Variants in SRD5A2 observed in about 807,000 individuals in gnomAD.
The protein encoded by SRD5A2 is 3-oxo-5-alpha-steroid 4-dehydrogenase 2.
A neutral mutation model predicts 27.4 loss-of-function variants in SRD5A2; 30 were observed. The observed-to-expected ratio is 1.10, with a 90% CI of 0.82 to 1.49. The LOEUF (loss-of-function observed/expected upper bound fraction) is 1.49, where lower values mean the gene tolerates loss of function less well. Among genes scored for constraint, SRD5A2 ranks in the 40% most tolerant of loss-of-function variants. The pLI is 0.00. For missense variants in SRD5A2, 348 were observed against 323.4 expected, an observed-to-expected ratio of 1.08 and a Z score of -0.58; for synonymous variants, 141 against 133.6, an observed-to-expected ratio of 1.06 and a Z score of -0.38.
rs121434246 is a variant in SRD5A2, at chr2:31,533,704, C to T, written c.344G>A (p.Gly115Asp). The change falls in exon 2 of 5, where the codon GGC becomes GAC. Residue 115 changes from glycine to aspartate, a missense_variant. By Grantham distance (94) the Gly-to-Asp change is moderately conservative. Transcript: ENST00000622030. The part of the protein sequence containing the change: ...RPYPAILILR[G>D]TAFCTGNGVL... ...TCCATTTCCAGTGCAGAAGGCAGTGCCTCTGAGAATGAGTATAGCTGGATA... is the reference window on the plus strand; with the variant it reads ...TCCATTTCCAGTGCAGAAGGCAGTGTCTCTGAGAATGAGTATAGCTGGATA... 1.1e-5 allele frequency: 17 copies of T among 1,593,536 alleles called. No homozygotes were observed. In the Admixed American group the frequency reaches 1.4e-4, roughly 13 times the overall value.
At chr2:31,537,404 T>G (rs975831087) in intron 1 of SRD5A2, among the ~76,000 whole-genome samples, 4 of 152,092 alleles carry the variant, frequency 2.6e-5, no homozygotes, top group African/African-American at 9.7e-5. Context: ...AAACAAATCT[T>G]GGTGGGGCCA....
Position 31,567,456 on chromosome 2 carries a change from G to GTGTGTATATA in SRD5A2, c.281+13163_281+13164insTATATACACA, listed in dbSNP as rs143408801. Among the ~76,000 whole-genome samples the GTGTGTATATA allele has an allele frequency of 6.1e-3, 861 of 140,272 alleles. 1 individual carries two copies. Among genetic ancestry groups the GTGTGTATATA allele is most frequent in the African/African-American group, 0.011 (422 of 37,428 alleles). 92.0% of individuals were successfully genotyped at this position (140,272 alleles called of 152,430 possible). A position where few individuals can be genotyped will look rare whatever the true frequency, so the allele number is the denominator to read the frequency against. ...TTGGTGTGTGTGTGTGTGTGTGTGT[G>GTGTGTATATA]TATATATATATATATATCTACCAGT... is the stretch of plus-strand genomic sequence containing the variant. On this transcript the variant is annotated intron_variant, in intron 1 of 4. Coordinates refer to ENST00000622030, the MANE Select transcript of SRD5A2 (RefSeq NM_000348.4).
At chr2:31,588,774 T>C in the SRD5A2 span, among the ~76,000 whole-genome samples, 1 of 152,200 alleles carries the variant, frequency 6.6e-6, no homozygotes, top group Admixed American at 6.5e-5. Context: ...CTGCAGTGTG[T>C]ACACTATTCT....
At chr2:31,596,466 A>T in the SRD5A2 span, among the ~76,000 whole-genome samples, 5 of 152,004 alleles carry the variant, frequency 3.3e-5, no homozygotes, top group African/African-American at 1.2e-4. Flanking sequence ...CTTCTATTTA[A>T]CATAGTACTG....
chr2:31,526,347 A>G lies in SRD5A2; in HGVS notation c.699-85T>C, dbSNP rs1349505503. The G allele has an allele frequency of 9.2e-6, 8 of 867,816 alleles. No individual in the cohort carries two copies. The Admixed American group carries it at 1.6e-4, about 17-fold the overall frequency. 53.8% of individuals were successfully genotyped at this position (867,816 alleles called of 1,614,324 possible). A position where few individuals can be genotyped will look rare whatever the true frequency, so the allele number is the denominator to read the frequency against. On this transcript the variant is annotated intron_variant, in intron 4 of 4. Transcript: ENST00000622030. ...TTGCTCTTACCAAATCTTTGTTACA[A>G]GTCAACCTACAGTTATTTTGGGCCT...
At chr2:31,589,468 C>A in the SRD5A2 span, among the ~76,000 whole-genome samples, 1 of 152,236 alleles carries the variant, frequency 6.6e-6, no homozygotes, top group Non-Finnish European at 1.5e-5. Context: ...CCCGGATGCC[C>A]CCAGGAACTC....
chr2:31,535,023 AT>A (rs397775368), intron 1 of SRD5A2, among the ~76,000 whole-genome samples: 2,258 of 143,146 alleles, frequency 0.016, 16 homozygotes, highest in South Asian at 0.027. Context: ...GTGTGAGTCA[AT>A]TTTTTTTTTT....
the SRD5A2 span, among the ~76,000 whole-genome samples, chr2:31,627,345 T>G: frequency 3.9e-5 from 6 of 151,984 alleles, no homozygotes; most frequent in Non-Finnish European, 7.4e-5. Context: ...TTTAATTGCA[T>G]CTTCTTTTCT....
chr2:31,625,346 C>T, the SRD5A2 span, among the ~76,000 whole-genome samples: 1 of 152,144 alleles, frequency 6.6e-6, no homozygotes, highest in African/African-American at 2.4e-5. Context: ...TTTTGCTGTG[C>T]AGAAGTTCTT....
At chr2:31,537,230 A>G (rs893375359) in intron 1 of SRD5A2, among the ~76,000 whole-genome samples, 6 of 152,222 alleles carry the variant, frequency 3.9e-5, no homozygotes, top group African/African-American at 1.4e-4. Flanking sequence ...CCATGTATAT[A>G]TTTAACTGTT....
chr2:31,643,446 A>G, the SRD5A2 span, among the ~76,000 whole-genome samples: 1 of 152,160 alleles, frequency 6.6e-6, no homozygotes, highest in Non-Finnish European at 1.5e-5. Flanking sequence ...AGTCAAATAA[A>G]TATAGATATG....
chr2:31,575,618 T>C (rs1666943994), intron 1 of SRD5A2, among the ~76,000 whole-genome samples: 1 of 152,208 alleles, frequency 6.6e-6, no homozygotes. Flanking sequence ...AAGCACCTTA[T>C]TGAAGCCATC....
the SRD5A2 span, among the ~76,000 whole-genome samples, chr2:31,593,338 A>T: frequency 1.3e-5 from 2 of 152,156 alleles, no homozygotes; most frequent in Non-Finnish European, 2.9e-5. Context: ...TATCATAAAG[A>T]AAAGACAATC....
the SRD5A2 span, among the ~76,000 whole-genome samples, chr2:31,643,185 G>A: frequency 6.6e-6 from 1 of 152,034 alleles, no homozygotes; most frequent in African/African-American, 2.4e-5. Context: ...TTTACCTCAA[G>A]GAAATTGGCA....
At chr2:31,602,118 C>T in the SRD5A2 span, among the ~76,000 whole-genome samples, 1 of 151,492 alleles carries the variant, frequency 6.6e-6, no homozygotes, top group Non-Finnish European at 1.5e-5. Flanking sequence ...AACTCACTCA[C>T]TTAAACTTTG....
the SRD5A2 span, among the ~76,000 whole-genome samples, chr2:31,602,932 C>G: frequency 1.3e-5 from 2 of 151,990 alleles, no homozygotes; most frequent in Non-Finnish European, 2.9e-5. Flanking sequence ...GGATTAAAGA[C>G]TTAAATGTAA....
the SRD5A2 span, among the ~76,000 whole-genome samples, chr2:31,621,007 A>G: frequency 1.3e-5 from 2 of 148,766 alleles, no homozygotes; most frequent in African/African-American, 4.9e-5. Context: ...TTTAAGGGTC[A>G]GATAGCAAAT....
At chr2:31,660,873 A>G in the SRD5A2 span, among the ~76,000 whole-genome samples, 1 of 152,214 alleles carries the variant, frequency 6.6e-6, no homozygotes, top group Non-Finnish European at 1.5e-5. Flanking sequence ...CCCTTACTGT[A>G]GGCATCCATG....
At chr2:31,600,688 G>C in the SRD5A2 span, among the ~76,000 whole-genome samples, 4 of 151,712 alleles carry the variant, frequency 2.6e-5, no homozygotes, top group Non-Finnish European at 5.9e-5. Context: ...ATAGAGACTA[G>C]AATACTTCCA....
Sources: allele counts gnomAD v4.1 joint callset (sites outside exome capture counted in the v4.1 genomes callset), GRCh38; gene constraint gnomAD v4.1.1; transcripts MANE v1.5; gene names NCBI Gene and HGNC (gene_info 2026-07-23, HGNC 2026-07-21).